VASH1: variants seen among roughly 807,000 people sequenced by gnomAD.
The protein encoded by VASH1 is tubulinyl-Tyr carboxypeptidase 1.
A neutral mutation model predicts 35.0 loss-of-function variants in VASH1; 16 were observed. The ratio of observed to expected loss-of-function variants is 0.46; its 90% CI spans 0.31 to 0.70. The LOEUF is 0.70. VASH1 is among the 30% of genes least tolerant of loss of function. VASH1 has a pLI of 0.05. For synonymous variants in VASH1, 214 were observed against 200.9 expected (o/e 1.07, Z -0.55); for missense variants, 505 against 510.7 (o/e 0.99, Z 0.11).
In VASH1 at chr14:76,779,102, G is replaced by A. The variant is rs1249398442; in HGVS notation, c.*84G>A. 1.2e-5 allele frequency: 18 copies of A among 1,457,600 alleles called. No homozygotes were observed. The highest frequency in any genetic ancestry group is 1.7e-4 in the Middle Eastern group (1 of 5,838). The allele number at this position is 1,457,600 out of a possible 1,614,324, so 90.3% of individuals were successfully genotyped here. On this transcript the variant is annotated 3_prime_UTR_variant, in exon 7 of 7. Coordinates refer to ENST00000167106, the MANE Select transcript of VASH1 (RefSeq NM_014909.5). ...AACCAGCCTTATGCATGGGGAAGGC[G>A]GGGCTGGTGACAAGGCAGGGCAAGA...
At position 76,762,676 on chromosome 14, in the gene VASH1, C is replaced by A; in HGVS notation, c.-146C>A. 1 of 621,456 alleles carries A rather than the reference C, an allele frequency of 1.6e-6. No homozygotes were observed. Among genetic ancestry groups the A allele is most frequent in the Non-Finnish European group, 2.5e-6 (1 of 404,642 alleles). 38.5% of individuals were successfully genotyped at this position (621,456 alleles called of 1,614,324 possible). On this transcript the variant is annotated 5_prime_UTR_variant, in exon 1 of 7. Transcript: ENST00000167106. ...ATTGCACTGATTTTTTTTATCAAGT[C>A]GTATTTTATTGTACAGGAGCCACGC...
At chr14:76,767,705 T>C (rs1197014588) in intron 1 of VASH1, among the ~76,000 whole-genome samples, 1 of 152,252 alleles carries the variant, frequency 6.6e-6, no homozygotes, top group Non-Finnish European at 1.5e-5. Flanking sequence ...TATTTGTGTT[T>C]GAGTGAACGA....
rs1361753356 is a variant in VASH1 at position 76,776,323 on chromosome 14, C to T, written c.912+50C>T. The T allele has an allele frequency of 3.4e-6, 5 of 1,483,248 alleles. No individual in the cohort carries two copies. In the South Asian group the frequency reaches 6.7e-5, roughly 20 times the overall value. 91.9% of individuals were successfully genotyped at this position (1,483,248 alleles called of 1,614,324 possible). A position where few individuals can be genotyped will look rare whatever the true frequency, so the allele number is the denominator to read the frequency against. On this transcript the variant is annotated intron_variant, in intron 5 of 6. Transcript: ENST00000167106. ...CCCCCTCCCTCGCCCCCTCCCCCGC[C>T]CCAGCAGAGGCGATGTGAGGATTGA...
At chr14:76,776,486 G>C (rs1224536302) in intron 5 of VASH1, among the ~76,000 whole-genome samples, 1 of 152,142 alleles carries the variant, frequency 6.6e-6, no homozygotes, top group Non-Finnish European at 1.5e-5. Flanking sequence ...TTGGATGGTG[G>C]TAGGTGTTGG....
chr14:76,778,826 T>C (rs541338060), intron 6 of VASH1, 120 bp from the exon 7 acceptor site: 17 of 974,714 alleles, frequency 1.7e-5, no homozygotes, highest in African/African-American at 1.3e-4. Flanking sequence ...GTGCTGTGCG[T>C]TGGAGGGCCA....
At chr14:76,775,764 A>T in intron 4 of VASH1, 128 bp from the exon 5 acceptor site, 3 of 1,357,192 alleles carry the variant, frequency 2.2e-6, no homozygotes, top group Non-Finnish European at 2.0e-6. Flanking sequence ...GCGTATGGAG[A>T]TGAGCAGGAC....
chr14:76,779,857 G>A lies in VASH1; in HGVS notation c.*839G>A, dbSNP rs1313990834. 2 of 350,822 alleles carry A rather than the reference G, an allele frequency of 5.7e-6. No individual in the cohort carries two copies. The highest frequency in any genetic ancestry group is 4.3e-5 in the Admixed American group (1 of 23,018). 21.7% of individuals were successfully genotyped at this position (350,822 alleles called of 1,614,324 possible). On this transcript the variant is annotated 3_prime_UTR_variant, in exon 7 of 7. Transcript: ENST00000167106. ...TGAGGCCAGCATGGCTGTGGGAGTT[G>A]AGCAAACCCTGGGTGCCAGTCCAGG...
In VASH1 at chr14:76,769,976, G is replaced by C; in HGVS notation, c.323G>C (p.Ser108Thr). ...CTCTGTCCCCAGATCCCCATACCGA[G>C]TGTGCCTACGTTCCAGCCGTCTACA... The part of the protein sequence containing the change: ...ATDLPKIPIP[S>T]VPTFQPSTPV... The change falls in exon 2 of 7, where the codon AGT becomes ACT. Residue 108 changes from serine to threonine, a missense_variant. By Grantham distance (58) the Ser-to-Thr change is moderately conservative. Transcript: ENST00000167106. 6.2e-7 allele frequency: 1 copy of C among 1,613,896 alleles called. No individual in the cohort carries two copies. The highest frequency in any genetic ancestry group is 8.5e-7 in the Non-Finnish European group (1 of 1,179,888).
rs990082935 is a variant in VASH1 at position 76,762,739 on chromosome 14, GT to G, written c.-81del. The G allele has an allele frequency of 1.5e-6, 2 of 1,308,348 alleles. No homozygotes were observed. The highest frequency in any genetic ancestry group is 3.0e-5 in the African/African-American group (2 of 66,936). 81.0% of individuals were successfully genotyped at this position (1,308,348 alleles called of 1,614,324 possible). A position where few individuals can be genotyped will look rare whatever the true frequency, so the allele number is the denominator to read the frequency against. ...AAGGCGCCTTGCACTCTGGCCATGT[GT>G]TATCTCTGCAGCCGGTGTGTGGGAG... On this transcript the variant is annotated 5_prime_UTR_variant, in exon 1 of 7. It removes the in-frame stop codon of an upstream open reading frame in the 5' UTR. Transcript: ENST00000167106.
At chr14:76,772,729 A>C (rs895715847) in intron 3 of VASH1, among the ~76,000 whole-genome samples, 1 of 152,222 alleles carries the variant, frequency 6.6e-6, no homozygotes, top group Admixed American at 6.5e-5. Context: ...AGTGGTGTCT[A>C]CTGTGCTTCA....
In VASH1 at chr14:76,782,607, C is replaced by T. The variant is rs900250555; in HGVS notation, c.*3589C>T. 1 of 152,304 alleles carries T rather than the reference C, an allele frequency of 6.6e-6. No individual in the cohort carries two copies. The highest frequency in any genetic ancestry group is 2.4e-5 in the African/African-American group (1 of 41,454). The allele number at this position is 152,304 out of a possible 1,614,324, so 9.4% of individuals were successfully genotyped here. ...GATGGTGTGAAGGGCAGGAAACAGTCCTCTGAAGGAGTGGGGAGGTGGGCA... is the reference window on the plus strand; with the variant it reads ...GATGGTGTGAAGGGCAGGAAACAGTTCTCTGAAGGAGTGGGGAGGTGGGCA... On this transcript the variant is annotated 3_prime_UTR_variant, in exon 7 of 7. Transcript: ENST00000167106.
At chr14:76,772,456 A>T (rs548255751) in intron 3 of VASH1, among the ~76,000 whole-genome samples, 14 of 152,022 alleles carry the variant, frequency 9.2e-5, no homozygotes, top group African/African-American at 3.4e-4. Flanking sequence ...CTGGGGAACC[A>T]CTCCAGCCTT....
rs1893864761 is a variant in VASH1, at chr14:76,774,090, A to G, written c.530+879A>G. ...AGGAGCACAGATTAGGTGGGAGCCA[A>G]GAGGGTGACGGGGAGGGGGTCTGAT... On this transcript the variant is annotated intron_variant, in intron 4 of 6. Coordinates refer to ENST00000167106, the MANE Select transcript of VASH1 (RefSeq NM_014909.5). Among the ~76,000 whole-genome samples, 4 of 152,184 alleles carry G rather than the reference A, an allele frequency of 2.6e-5. No individual in the cohort carries two copies. The South Asian group carries it at 8.3e-4, about 32-fold the overall frequency.
chr14:76,772,686 TAAC>T (rs1431816872), intron 3 of VASH1, among the ~76,000 whole-genome samples: 1 of 152,252 alleles, frequency 6.6e-6, no homozygotes, highest in African/African-American at 2.4e-5. Context: ...TGCAGTCAAT[TAAC>T]AAGCTCCTGG....
chr14:76,770,167 C>G, intron 2 of VASH1, 116 bp downstream of exon 2: 2 of 944,644 alleles, frequency 2.1e-6, no homozygotes, highest in Middle Eastern at 2.6e-4. Context: ...GCCAGGGCCA[C>G]CATTCACGTG....
chr14:76,767,767 G>T (rs1016943879), intron 1 of VASH1, among the ~76,000 whole-genome samples: 2 of 152,268 alleles, frequency 1.3e-5, no homozygotes, highest in East Asian at 3.8e-4. Flanking sequence ...GCTGTCTGCA[G>T]TGGGGTGACA....
At chr14:76,766,322 T>G (rs1346057463) in intron 1 of VASH1, among the ~76,000 whole-genome samples, 1 of 152,208 alleles carries the variant, frequency 6.6e-6, no homozygotes, top group Non-Finnish European at 1.5e-5. Context: ...TAGTGGCCAC[T>G]GACCCCAGAC....
rs1194367789 is a variant in VASH1, at chr14:76,778,141, CTTT to C, written c.1025+79_1025+81del. On this transcript the variant is annotated intron_variant, in intron 6 of 6. Coordinates refer to ENST00000167106, the MANE Select transcript of VASH1 (RefSeq NM_014909.5). ...TCCTTTCCTCTCATCGTGTGGGTCC[CTTT>C]TTTTTTTTATCTCTCTCCCACCCTT... is the stretch of plus-strand genomic sequence containing the variant. The C allele has an allele frequency of 7.5e-6, 7 of 932,222 alleles. No homozygotes were observed. The Admixed American group carries it at 1.4e-4, about 19-fold the overall frequency. 57.7% of individuals were successfully genotyped at this position (932,222 alleles called of 1,614,324 possible). A position where few individuals can be genotyped will look rare whatever the true frequency, so the allele number is the denominator to read the frequency against.
rs1893515059 is a variant in VASH1 at position 76,761,949 on chromosome 14, G to A, written c.-873G>A. ...AGCCGCGGGCCCCGTGCCCTGCGAT[G>A]GCTCGGCTGGTGCAGCGCGGCGCCA... On this transcript the variant is annotated 5_prime_UTR_variant, in exon 1 of 7. The change abolishes an upstream ATG in the 5' untranslated region. Transcript: ENST00000167106. Among the ~76,000 whole-genome samples the A allele has an allele frequency of 6.6e-6, 1 of 152,004 alleles. No homozygotes were observed. The highest frequency in any genetic ancestry group is 1.5e-5 in the Non-Finnish European group (1 of 67,904).
Sources: allele counts gnomAD v4.1 joint callset (sites outside exome capture counted in the v4.1 genomes callset), GRCh38; gene constraint gnomAD v4.1.1; transcripts MANE v1.5; gene names NCBI Gene and HGNC (gene_info 2026-07-23, HGNC 2026-07-21).